RASAL2: variants seen among roughly 807,000 people sequenced by gnomAD.
RASAL2 encodes ras GTPase-activating protein nGAP.
A neutral mutation model predicts 128.9 loss-of-function variants in RASAL2; 58 were observed. That is an observed-to-expected ratio of 0.45 (90% CI 0.36 to 0.56). The LOEUF is 0.56. Ranked by LOEUF, RASAL2 falls within the 20% of genes least tolerant of loss-of-function variation. The pLI, the probability that RASAL2 is intolerant of heterozygous loss-of-function variation, is 0.00. For synonymous variants in RASAL2, 561 were observed against 580.8 expected, an observed-to-expected ratio of 0.97 and a Z score of 0.49; for missense variants, 1,360 against 1,601.6, an observed-to-expected ratio of 0.85 and a Z score of 2.57.
chr1:178,110,169 C>T (rs1659242316), intron 1 of RASAL2, among the ~76,000 whole-genome samples: 1 of 152,134 alleles, frequency 6.6e-6, no homozygotes, highest in Non-Finnish European at 1.5e-5. Context: ...TAAAAAGTTT[C>T]TTTGCATCCC....
At position 178,461,573 on chromosome 1, in the gene RASAL2, TTA is replaced by T. The variant is rs1330322196; in HGVS notation, c.3253-2697_3253-2696del. ...ATCTACTTCGTACAAACAGTAGACT[TTA>T]TATATATGAGTTGTTCAGATTTATC... On this transcript the variant is annotated intron_variant, in intron 14 of 17. Transcript: ENST00000367649. Among the ~76,000 whole-genome samples the T allele has an allele frequency of 2.0e-5, 3 of 152,198 alleles. No individual in the cohort carries two copies. In the South Asian group the frequency reaches 6.2e-4, roughly 32 times the overall value.
intron 5 of RASAL2, 118 bp downstream of exon 5, chr1:178,420,738 A>T (rs1675092267): frequency 1.3e-6 from 1 of 747,538 alleles, no homozygotes; most frequent in African/African-American, 1.8e-5. Flanking sequence ...TAAAAAATTG[A>T]CTTTTATGTC....
chr1:178,150,626 A>C (rs1660880303), intron 1 of RASAL2, among the ~76,000 whole-genome samples: 1 of 152,214 alleles, frequency 6.6e-6, no homozygotes, highest in African/African-American at 2.4e-5. Context: ...ACACTTCTAA[A>C]ACCTGTGGCT....
At chr1:178,400,243 C>G (rs1002168580) in intron 4 of RASAL2, among the ~76,000 whole-genome samples, 1 of 152,096 alleles carries the variant, frequency 6.6e-6, no homozygotes, top group Non-Finnish European at 1.5e-5. Flanking sequence ...TCATTTTCAC[C>G]CCCAACTCTC....
At chr1:178,465,854 A>G (rs1417808687) in intron 15 of RASAL2, 66 bp from the exon 16 acceptor site, 2 of 1,271,490 alleles carry the variant, frequency 1.6e-6, no homozygotes, top group Non-Finnish European at 2.1e-6. Context: ...AAGAAAGAAA[A>G]GTAAATCACT....
At chr1:178,157,281 G>C (rs1403296535) in intron 1 of RASAL2, among the ~76,000 whole-genome samples, 1 of 152,134 alleles carries the variant, frequency 6.6e-6, no homozygotes, top group Non-Finnish European at 1.5e-5. Flanking sequence ...TTTTTACTGT[G>C]CTTTGCCTTG....
chr1:178,105,508 A>G (rs1659055213), intron 1 of RASAL2, among the ~76,000 whole-genome samples: 1 of 152,222 alleles, frequency 6.6e-6, no homozygotes. Context: ...GGAGGTTTGT[A>G]GGAAAATTTG....
chr1:178,464,159 A>G, intron 14 of RASAL2, 119 bp from the exon 15 acceptor site: 1 of 1,236,586 alleles, frequency 8.1e-7, no homozygotes, highest in Non-Finnish European at 1.1e-6. Context: ...ACTTAAAGCT[A>G]AGAGCATTTA....
intron 9 of RASAL2, among the ~76,000 whole-genome samples, chr1:178,449,904 G>A (rs2102877580): frequency 6.6e-6 from 1 of 151,944 alleles, no homozygotes; most frequent in East Asian, 1.9e-4. Context: ...TTTTTCCCTT[G>A]AATACATATA....
chr1:178,310,445 G>C (rs1668186692), intron 3 of RASAL2, among the ~76,000 whole-genome samples: 2 of 151,896 alleles, frequency 1.3e-5, no homozygotes, highest in African/African-American at 4.8e-5. Flanking sequence ...GTAGTTAATT[G>C]GGTCTCAAAA....
intron 3 of RASAL2, among the ~76,000 whole-genome samples, chr1:178,304,621 G>A (rs1380233898): frequency 6.6e-6 from 1 of 152,190 alleles, no homozygotes; most frequent in Non-Finnish European, 1.5e-5. Context: ...GGCAGCAGAA[G>A]CCCTACTGAA....
intron 1 of RASAL2, among the ~76,000 whole-genome samples, chr1:178,210,538 C>A (rs916450790): frequency 1.3e-5 from 2 of 152,132 alleles, no homozygotes; most frequent in African/African-American, 4.8e-5. Flanking sequence ...TTGGCCAAAC[C>A]TGCTGTGAAG....
chr1:178,328,974 A>G (rs1401089462), intron 3 of RASAL2, among the ~76,000 whole-genome samples: 3 of 152,208 alleles, frequency 2.0e-5, no homozygotes, highest in African/African-American at 7.2e-5. Context: ...TGATTGACTT[A>G]GCAAATTGCC....
chr1:178,420,623 A>G lies in RASAL2; in HGVS notation c.674+3A>G. ...TCCCTTCGCAGTACAGATGACAGGT[A>G]GGAAGTTAACTTTCTTAAAACAAAA... On this transcript the variant is annotated splice_donor_region_variant and intron_variant, in intron 5 of 17. Transcript: ENST00000367649. 6.3e-7 allele frequency: 1 copy of G among 1,588,854 alleles called. No homozygotes were observed. The highest frequency in any genetic ancestry group is 1.3e-5 in the African/African-American group (1 of 74,306).
intron 4 of RASAL2, among the ~76,000 whole-genome samples, chr1:178,394,553 C>T (rs1212203564): frequency 1.3e-5 from 2 of 152,136 alleles, no homozygotes; most frequent in African/African-American, 2.4e-5. Flanking sequence ...AATTTGGCTT[C>T]GGTCAAGAGG....
chr1:178,231,697 G>A (rs1467180991), intron 1 of RASAL2, among the ~76,000 whole-genome samples: 1 of 151,858 alleles, frequency 6.6e-6, no homozygotes, highest in Non-Finnish European at 1.5e-5. Context: ...TCTCCTCACA[G>A]ATTATTTTTT....
chr1:178,453,461 TG>T lies in RASAL2; in HGVS notation c.2009+811del, dbSNP rs531303029. Among the ~76,000 whole-genome samples the T allele has an allele frequency of 8.4e-4, 127 of 151,954 alleles. 1 individual carries two copies. The highest frequency in any genetic ancestry group is 2.9e-3 in the African/African-American group (120 of 41,498). On this transcript the variant is annotated intron_variant, in intron 11 of 17. Coordinates refer to ENST00000367649, the MANE Select transcript of RASAL2 (RefSeq NM_170692.4). ...AAGCAAACTTGGCAAATATAACAGT[TG>T]GTTATTGTAGATGAAAGGCATATGG...
intron 1 of RASAL2, chr1:178,125,479 T>C (rs1659861739): frequency 6.6e-6 from 1 of 152,162 alleles, no homozygotes; most frequent in Non-Finnish European, 1.5e-5. Context: ...GTACAGGAAA[T>C]GTGGTGCCGG....
chr1:178,450,942 T>TCC (rs1156263143), intron 9 of RASAL2, among the ~76,000 whole-genome samples: 1 of 152,208 alleles, frequency 6.6e-6, no homozygotes, highest in Non-Finnish European at 1.5e-5. Flanking sequence ...TAGGAATTTG[T>TCC]TCTTTCAGGG....
Sources: gnomAD v4.1 joint callset for allele counts (sites outside exome capture counted in the v4.1 genomes callset) on GRCh38, gnomAD v4.1.1 for gene constraint, MANE v1.5 for transcripts, NCBI Gene and HGNC (gene_info 2026-07-23, HGNC 2026-07-21) for gene names.